The following RIPOR2 variants were observed in gnomAD, a reference collection of about 807,000 sequenced individuals.
The protein encoded by RIPOR2 is rho family-interacting cell polarization regulator 2.
In RIPOR2, 39 loss-of-function variants were observed where a neutral mutation model predicts 114.5. That is an observed-to-expected ratio of 0.34 (90% CI 0.26 to 0.44). RIPOR2 has a LOEUF of 0.44. Ranked by LOEUF, RIPOR2 falls within the 20% of genes least tolerant of loss-of-function variation. RIPOR2 has a pLI of 1.00. For synonymous variants in RIPOR2, 445 were observed against 484.4 expected, an observed-to-expected ratio of 0.92 and a Z score of 1.07; for missense variants, 1,007 against 1,255.1, an observed-to-expected ratio of 0.80 and a Z score of 2.99.
chr6:24,910,682 C>T (rs1769477320), intron 1 of RIPOR2: 1 of 407,714 alleles, frequency 2.5e-6, no homozygotes, highest in Non-Finnish European at 3.3e-6. Context: ...GTGGTGGAAG[C>T]TGAGGACGCT....
chr6:24,942,390 T>A (rs1241721820), intron 1 of RIPOR2, among the ~76,000 whole-genome samples: 1 of 152,190 alleles, frequency 6.6e-6, no homozygotes, highest in Non-Finnish European at 1.5e-5. Flanking sequence ...AACGCTGACA[T>A]AAAGACCTTT....
Position 24,850,657 on chromosome 6 carries a change from CT to C in RIPOR2, c.824del (p.Gln275ArgfsTer13). On this transcript the variant is annotated frameshift_variant, in exon 10 of 22. Coordinates refer to ENST00000643898, the MANE Select transcript of RIPOR2 (RefSeq NM_001286445.3). LOFTEE classifies it high-confidence loss of function. ...AAACTGTTTCTTCTCCATCCCAGCTCTGCTTGCCATTTACTTCTATTTTGCC... is the reference window on the plus strand; with the variant it reads ...AAACTGTTTCTTCTCCATCCCAGCTCGCTTGCCATTTACTTCTATTTTGCC... ...LKGKIEVNGK[Q>X]SWDGEETVFL... 1 of 1,613,946 alleles carries C rather than the reference CT, an allele frequency of 6.2e-7. No individual in the cohort carries two copies. The highest frequency in any genetic ancestry group is 8.5e-7 in the Non-Finnish European group (1 of 1,179,868).
chr6:24,849,935 C>T lies in RIPOR2; in HGVS notation c.901G>A (p.Gly301Arg). ...FISIKVTELK[G>R]LATHILVGSV... The stretch of plus-strand genomic sequence containing the variant: ...CCTACCAGGATGTGAGTTGCTAGCC[C>T]TTTGAGCTCCGTGACCTAGCAGAGA... Residue 301 changes from glycine (G) to arginine (R), a missense_variant, in exon 11 of 22, where the codon GGG (glycine) becomes AGG (arginine). Transcript: ENST00000643898. 4.3e-6 allele frequency: 7 copies of T among 1,613,714 alleles called. No homozygotes were observed. The highest frequency in any genetic ancestry group is 5.9e-6 in the Non-Finnish European group (7 of 1,179,756).
At chr6:25,019,488 G>A (rs1238155489) in intron 1 of RIPOR2, among the ~76,000 whole-genome samples, 3 of 151,986 alleles carry the variant, frequency 2.0e-5, no homozygotes, top group South Asian at 2.1e-4. Context: ...AAGAGAGGTC[G>A]GCGGGGCGCG....
At chr6:25,021,800 T>TA (rs1316018777) in intron 1 of RIPOR2, among the ~76,000 whole-genome samples, 1 of 152,102 alleles carries the variant, frequency 6.6e-6, no homozygotes, top group Non-Finnish European at 1.5e-5. Context: ...AAAGATCTTT[T>TA]AAAAAAAGGA....
At chr6:24,972,844 C>A (rs568017763) in intron 1 of RIPOR2, among the ~76,000 whole-genome samples, 1 of 152,190 alleles carries the variant, frequency 6.6e-6, no homozygotes, top group Non-Finnish European at 1.5e-5. Context: ...CTTGAAAAAT[C>A]TGTTTTACTA....
intron 1 of RIPOR2, among the ~76,000 whole-genome samples, chr6:25,029,426 A>AG (rs1776801168): frequency 6.6e-6 from 1 of 151,388 alleles, no homozygotes; most frequent in Non-Finnish European, 1.5e-5. Context: ...AAAAAAAAAA[A>AG]AAAAAAAGAA....
At position 24,950,543 on chromosome 6, in the gene RIPOR2, G is replaced by A. The variant is rs1038026642; in HGVS notation, c.77-74726C>T. ...TTCTGTTTTCCTTACGAAGTAAAAG[G>A]GAGCTCAGTGTGTCTGTCCTCACTT... is the stretch of plus-strand genomic sequence containing the variant. On this transcript the variant is annotated intron_variant, in intron 1 of 13. Coordinates refer to the RIPOR2 transcript ENST00000510784. Among the ~76,000 whole-genome samples, 9 of 152,262 alleles carry A rather than the reference G, an allele frequency of 5.9e-5. No individual in the cohort carries two copies. In the East Asian group the frequency reaches 1.5e-3, roughly 26 times the overall value.
At chr6:24,941,652 C>T (rs959123568) in intron 1 of RIPOR2, among the ~76,000 whole-genome samples, 7 of 152,328 alleles carry the variant, frequency 4.6e-5, no homozygotes, top group African/African-American at 1.7e-4. Flanking sequence ...TACCCTCTGT[C>T]TCAACCAGAA....
intron 11 of RIPOR2, 67 bp from the exon 12 acceptor site, chr6:24,848,221 C>G (rs1466403245): frequency 6.6e-7 from 1 of 1,516,570 alleles, no homozygotes; most frequent in Non-Finnish European, 9.0e-7. Flanking sequence ...AGACCACAGG[C>G]TAAGAGAGTA....
At chr6:24,882,635 C>T (rs574462618) in intron 1 of RIPOR2, among the ~76,000 whole-genome samples, 8 of 151,888 alleles carry the variant, frequency 5.3e-5, no homozygotes, top group African/African-American at 1.7e-4. Flanking sequence ...AGAACCATAC[C>T]GTTTGTATCA....
At chr6:24,881,892 C>T (rs915853871) in intron 1 of RIPOR2, among the ~76,000 whole-genome samples, 4 of 152,200 alleles carry the variant, frequency 2.6e-5, no homozygotes, top group Admixed American at 1.3e-4. Context: ...GATTTCCCCT[C>T]ACCCATCAGG....
chr6:24,867,130 A>G (rs1764684910), intron 6 of RIPOR2, among the ~76,000 whole-genome samples: 1 of 152,252 alleles, frequency 6.6e-6, no homozygotes, highest in African/African-American at 2.4e-5. Context: ...TACTTCAACA[A>G]TGCACTCAAC....
rs1443333799 is a variant in RIPOR2 at position 24,872,949 on chromosome 6, C to T, written c.355G>A (p.Glu119Lys). The change falls in exon 4 of 22, where the codon GAG (glutamate) becomes AAG (lysine). Residue 119 changes from glutamate to lysine, a missense_variant. Transcript: ENST00000643898. ...ALKNGLDEYLEVHQTELDKLT... is the reference protein window; with the variant it reads ...ALKNGLDEYLKVHQTELDKLT... ...TTGTCCAGCTCCGTCTGGTGAACCT[C>T]CAGATATTCACTGCAAAGATAAGAC... 2 of 1,608,438 alleles carry T rather than the reference C, an allele frequency of 1.2e-6. No individual in the cohort carries two copies. Among genetic ancestry groups the T allele is most frequent in the East Asian group, 2.2e-5 (1 of 44,848 alleles).
chr6:24,847,462 T>C (rs973092483), intron 12 of RIPOR2: 8 of 1,427,798 alleles, frequency 5.6e-6, no homozygotes, highest in African/African-American at 2.8e-5. Flanking sequence ...ACAGAGAAGA[T>C]AAAACAAGAG....
At chr6:24,868,543 AG>A (rs886747384) in intron 6 of RIPOR2, among the ~76,000 whole-genome samples, 14 of 152,336 alleles carry the variant, frequency 9.2e-5, no homozygotes, top group African/African-American at 3.4e-4. Flanking sequence ...TATGGGGTTC[AG>A]GGCTGGGTGT....
intron 1 of RIPOR2, among the ~76,000 whole-genome samples, chr6:24,927,303 C>CACCACT (rs1771007988): frequency 5.6e-5 from 3 of 53,946 alleles, no homozygotes; most frequent in East Asian, 4.2e-4. Context: ...CCACCACCAC[C>CACCACT]ACAACTACAA....
At chr6:24,862,053 G>A (rs907182004) in intron 7 of RIPOR2, among the ~76,000 whole-genome samples, 14 of 152,158 alleles carry the variant, frequency 9.2e-5, no homozygotes, top group Admixed American at 2.6e-4. Flanking sequence ...TGAAGGAAAA[G>A]GATAGAGAGA....
intron 1 of RIPOR2, among the ~76,000 whole-genome samples, chr6:24,882,013 G>A (rs1237108647): frequency 6.6e-6 from 1 of 152,180 alleles, no homozygotes; most frequent in Non-Finnish European, 1.5e-5. Context: ...TAAGAATAAA[G>A]GACAGGAATC....
Sources: allele counts gnomAD v4.1 joint callset (sites outside exome capture counted in the v4.1 genomes callset), GRCh38; gene constraint gnomAD v4.1.1; transcripts MANE v1.5; gene names NCBI Gene and HGNC (gene_info 2026-07-23, HGNC 2026-07-21).